CLIC5: variants seen among roughly 807,000 people sequenced by gnomAD.
The protein encoded by CLIC5 is CLIC family member 5.
Under a neutral mutation model 24.7 loss-of-function variants are expected in CLIC5, and 20 were observed. That is an observed-to-expected ratio of 0.81 (90% CI 0.57 to 1.18). CLIC5 has a LOEUF of 1.18. Among genes scored for constraint, CLIC5 ranks in the 50% most tolerant of loss-of-function variants. The pLI is 0.00. For missense variants in CLIC5, 341 were observed against 326.1 expected (o/e 1.05, Z -0.35); for synonymous variants, 159 against 135.6 (o/e 1.17, Z -1.20).
At chr6:46,029,234 GT>G (rs1767430714) in intron 1 of CLIC5, among the ~76,000 whole-genome samples, 1 of 152,220 alleles carries the variant, frequency 6.6e-6, no homozygotes, top group Non-Finnish European at 1.5e-5. Context: ...AAGGGAATGA[GT>G]GTTTTTCATG....
chr6:46,093,262 C>T, the CLIC5 span, among the ~76,000 whole-genome samples: 1 of 152,202 alleles, frequency 6.6e-6, no homozygotes, highest in Non-Finnish European at 1.5e-5. Flanking sequence ...TATCTTGCCC[C>T]ATTTTTCCAG....
Position 46,000,254 on chromosome 6 carries a change from G to A in CLIC5, c.63+15226C>T, listed in dbSNP as rs117275903. Reference sequence around the variant, plus strand: ...TTTCAACTTGTATGGAGGGGTCAGTGCCCCTAACCTCCACGTTGTTTGGAG... The same window carrying A: ...TTTCAACTTGTATGGAGGGGTCAGTACCCCTAACCTCCACGTTGTTTGGAG... On this transcript the variant is annotated intron_variant, in intron 1 of 5. Coordinates refer to ENST00000339561, the MANE Select transcript of CLIC5 (RefSeq NM_016929.5). 3.4e-4 allele frequency among the ~76,000 whole-genome samples: 52 copies of A among 152,236 alleles called. No individual in the cohort carries two copies. The East Asian group carries it at 8.1e-3, about 24-fold the overall frequency.
intron 3 of CLIC5, 152 bp from the exon 4 acceptor site, chr6:45,941,805 G>A: frequency 2.9e-6 from 2 of 679,300 alleles, no homozygotes; most frequent in Non-Finnish European, 2.6e-6. Flanking sequence ...AGGGAGGGTG[G>A]GCATTCTCAG....
chr6:46,044,498 T>C (rs993050457), intron 1 of CLIC5, among the ~76,000 whole-genome samples: 2 of 152,262 alleles, frequency 1.3e-5, no homozygotes, highest in Non-Finnish European at 2.9e-5. Context: ...TTTTGCACTG[T>C]GGATTTGAGT....
At chr6:45,890,352 C>T (rs1411596682) in intron 6 of CLIC5, among the ~76,000 whole-genome samples, 1 of 151,980 alleles carries the variant, frequency 6.6e-6, no homozygotes, top group African/African-American at 2.4e-5. Context: ...AATGAAAATT[C>T]AAATCACAAT....
At chr6:45,930,585 T>G (rs1051129224) in intron 4 of CLIC5, among the ~76,000 whole-genome samples, 4 of 152,186 alleles carry the variant, frequency 2.6e-5, no homozygotes, top group South Asian at 2.1e-4. Context: ...TCACATCAGC[T>G]GGCTCTGGCG....
At chr6:45,919,007 C>T (rs1351181539) in intron 4 of CLIC5, 2 of 985,428 alleles carry the variant, frequency 2.0e-6, no homozygotes, top group Non-Finnish European at 2.4e-6. Flanking sequence ...CTGGGACGTA[C>T]AATGGAAATG....
intron 5 of CLIC5, chr6:45,912,258 A>C: frequency 1.0e-6 from 1 of 990,572 alleles, no homozygotes; most frequent in Non-Finnish European, 1.2e-6. Context: ...CAGAAATCCA[A>C]AGAGATAGGG....
chr6:45,983,710 C>T (rs1210924792), intron 1 of CLIC5, among the ~76,000 whole-genome samples: 1 of 152,172 alleles, frequency 6.6e-6, no homozygotes, highest in East Asian at 1.9e-4. Context: ...AATGTATGCA[C>T]ACATCCATTC....
At chr6:46,032,856 G>A (rs913526379) in intron 1 of CLIC5, among the ~76,000 whole-genome samples, 6 of 146,346 alleles carry the variant, frequency 4.1e-5, no homozygotes, top group African/African-American at 2.6e-5. Flanking sequence ...TCCATGTGAG[G>A]GGAGCAGAGG....
Position 45,955,160 on chromosome 6 carries a change from T to C in CLIC5, c.148A>G (p.Asn50Asp). ...CTTTTCAGATCCACAGTGGTGACAT[T>C]GAACACGACTCCTTTCAGCCAGAGG... ...MILWLKGVVF[N>D]VTTVDLKRKP... Residue 50 changes from asparagine (N) to aspartate (D), a missense_variant, in exon 2 of 6, where the codon AAT becomes GAT. By Grantham distance (23) the Asn-to-Asp change is conservative. Coordinates refer to ENST00000339561, the MANE Select transcript of CLIC5 (RefSeq NM_016929.5). The C allele has an allele frequency of 6.2e-7, 1 of 1,613,700 alleles. No homozygotes were observed. Among genetic ancestry groups the C allele is most frequent in the East Asian group, 2.2e-5 (1 of 44,876 alleles).
the CLIC5 span, among the ~76,000 whole-genome samples, chr6:46,105,158 C>T: frequency 1.3e-5 from 2 of 152,110 alleles, no homozygotes; most frequent in African/African-American, 4.8e-5. Context: ...GGTTGTAACA[C>T]ATTTGTGGCT....
At chr6:46,066,646 T>C (rs1762452236) in intron 1 of CLIC5, among the ~76,000 whole-genome samples, 2 of 152,166 alleles carry the variant, frequency 1.3e-5, no homozygotes, top group Non-Finnish European at 2.9e-5. Flanking sequence ...AAGATGTAGC[T>C]GGAAAGTGCT....
At chr6:45,954,163 A>G (rs1345342518) in intron 2 of CLIC5, among the ~76,000 whole-genome samples, 1 of 151,256 alleles carries the variant, frequency 6.6e-6, no homozygotes, top group Non-Finnish European at 1.5e-5. Flanking sequence ...AATCCCAGCT[A>G]CTCGGGAGGC....
chr6:45,914,848 G>A (rs964248517), intron 4 of CLIC5, among the ~76,000 whole-genome samples: 5 of 149,550 alleles, frequency 3.3e-5, no homozygotes, highest in African/African-American at 1.2e-4. Flanking sequence ...CTACTCGGGA[G>A]GCTGAGGCAA....
chr6:45,928,564 G>A (rs1763594707), intron 4 of CLIC5, among the ~76,000 whole-genome samples: 1 of 152,194 alleles, frequency 6.6e-6, no homozygotes, highest in Non-Finnish European at 1.5e-5. Flanking sequence ...CACACCCATG[G>A]ACACACTATT....
chr6:46,109,757 C>T, the CLIC5 span, among the ~76,000 whole-genome samples: 1 of 152,010 alleles, frequency 6.6e-6, no homozygotes, highest in African/African-American at 2.4e-5. Flanking sequence ...CTTTTGTGAG[C>T]AAAGTTGAAA....
chr6:45,938,613 CAGA>C (rs1764021671), intron 4 of CLIC5, among the ~76,000 whole-genome samples: 2 of 152,052 alleles, frequency 1.3e-5, no homozygotes, highest in Non-Finnish European at 2.9e-5. Context: ...CAGGGTGAAA[CAGA>C]AGAAGGGGAA....
intron 1 of CLIC5, among the ~76,000 whole-genome samples, chr6:46,044,192 G>A (rs988901266): frequency 6.6e-6 from 1 of 152,200 alleles, no homozygotes; most frequent in Non-Finnish European, 1.5e-5. Context: ...GCCATCTGTT[G>A]TGGCTTGAAG....
Sources: gnomAD v4.1 joint callset for allele counts (sites outside exome capture counted in the v4.1 genomes callset) on GRCh38, gnomAD v4.1.1 for gene constraint, MANE v1.5 for transcripts, NCBI Gene and HGNC (gene_info 2026-07-23, HGNC 2026-07-21) for gene names.